AK5: variants seen among roughly 807,000 people sequenced by gnomAD.
AK5 encodes the protein adenylate kinase 5, also known as adenylate kinase isoenzyme 5.
AK5 carries 27 observed loss-of-function variants against 69.5 expected under a neutral mutation model. The observed-to-expected ratio is 0.39, with a 90% confidence interval of 0.29 to 0.54. AK5 has a LOEUF of 0.54. Ranked by LOEUF, AK5 falls within the 20% of genes least tolerant of loss-of-function variation. The pLI is 0.71. For missense variants in AK5, 531 were observed against 700.4 expected (o/e 0.76, Z 2.73); for synonymous variants, 260 against 244.4 (o/e 1.06, Z -0.60).
chr1:77,537,122 C>G (rs1659014164), intron 13 of AK5, among the ~76,000 whole-genome samples: 1 of 152,036 alleles, frequency 6.6e-6, no homozygotes, highest in Non-Finnish European at 1.5e-5. Context: ...ACAATGAGAT[C>G]AAAGCAAGCA....
intron 12 of AK5, among the ~76,000 whole-genome samples, chr1:77,527,081 T>C (rs1278877581): frequency 1.3e-5 from 2 of 152,084 alleles, no homozygotes; most frequent in Non-Finnish European, 2.9e-5. Context: ...AAAATCTAGG[T>C]TTTCACCTGT....
intron 8 of AK5, among the ~76,000 whole-genome samples, chr1:77,477,134 C>T (rs1247406018): frequency 6.6e-6 from 1 of 151,964 alleles, no homozygotes; most frequent in South Asian, 2.1e-4. Context: ...CCCAAGCCGT[C>T]CTCCAGCCTT....
At chr1:77,447,642 T>C (rs1652836747) in intron 8 of AK5, among the ~76,000 whole-genome samples, 1 of 152,212 alleles carries the variant, frequency 6.6e-6, no homozygotes, top group African/African-American at 2.4e-5. Context: ...TGACCTTGAA[T>C]GCCAAGTAAT....
intron 6 of AK5, among the ~76,000 whole-genome samples, chr1:77,386,012 T>C (rs1323278656): frequency 6.6e-6 from 1 of 152,240 alleles, no homozygotes; most frequent in African/African-American, 2.4e-5. Context: ...CCTTTTGATA[T>C]CATATTATCT....
chr1:77,313,536 A>T (rs1465288824), intron 5 of AK5, among the ~76,000 whole-genome samples: 1 of 152,058 alleles, frequency 6.6e-6, no homozygotes, highest in Non-Finnish European at 1.5e-5. Flanking sequence ...GTCTGTTGTT[A>T]GGCAAGGTAG....
chr1:77,367,694 T>TTATGTTATA lies in AK5; in HGVS notation c.891+27129_891+27130insGTTATATAT, dbSNP rs1557533455. ...ATATAATATATATGTTATATATACG[T>TTATGTTATA]TATATGTTATATATATGTTATATAT... On this transcript the variant is annotated intron_variant, in intron 6 of 13. Transcript: ENST00000354567. Among the ~76,000 whole-genome samples, 61 of 59,786 alleles carry TTATGTTATA rather than the reference T, an allele frequency of 1.0e-3. 19 individuals carry two copies. Among genetic ancestry groups the TTATGTTATA allele is most frequent in the East Asian group, 3.8e-3 (3 of 790 alleles). 39.2% of individuals were successfully genotyped at this position (59,786 alleles called of 152,430 possible).
intron 5 of AK5, among the ~76,000 whole-genome samples, chr1:77,320,192 T>A (rs1330356056): frequency 6.6e-6 from 1 of 152,084 alleles, no homozygotes; most frequent in East Asian, 1.9e-4. Flanking sequence ...GAACTCAGTA[T>A]CATGAGAACA....
intron 8 of AK5, among the ~76,000 whole-genome samples, chr1:77,438,786 A>C (rs537496636): frequency 1.8e-4 from 27 of 152,314 alleles, no homozygotes; most frequent in Admixed American, 1.4e-3. Context: ...TCACAAACAA[A>C]GTACACGTTC....
rs572321588 is a variant in AK5 at position 77,382,580 on chromosome 1, C to G, written c.892-28401C>G. 7.9e-5 allele frequency among the ~76,000 whole-genome samples: 12 copies of G among 152,270 alleles called. 1 individual carries two copies. In the East Asian group the frequency reaches 1.2e-3, roughly 15 times the overall value. On this transcript the variant is annotated intron_variant, in intron 6 of 13. Transcript: ENST00000354567. The stretch of plus-strand genomic sequence containing the variant: ...GCCCAAGCTGATCTCAAACTCTTGG[C>G]CTCAAGTGAGTCACCCGTCTCAGCT...
chr1:77,390,037 C>A (rs1229717637), intron 6 of AK5, among the ~76,000 whole-genome samples: 1 of 152,050 alleles, frequency 6.6e-6, no homozygotes, highest in Non-Finnish European at 1.5e-5. Context: ...TTGGTCTGTC[C>A]AAATTCAGGA....
intron 1 of AK5, among the ~76,000 whole-genome samples, chr1:77,286,059 A>G (rs1658330256): frequency 6.6e-6 from 1 of 152,194 alleles, no homozygotes; most frequent in Admixed American, 6.5e-5. Context: ...AACACAGAAG[A>G]AGGGGTTCAC....
chr1:77,496,650 C>A (rs1656331007), intron 10 of AK5, among the ~76,000 whole-genome samples: 1 of 152,192 alleles, frequency 6.6e-6, no homozygotes, highest in Non-Finnish European at 1.5e-5. Context: ...CTGGTTTAGA[C>A]AGCCACATGG....
At chr1:77,543,787 G>C (rs950877647) in intron 13 of AK5, among the ~76,000 whole-genome samples, 1 of 152,134 alleles carries the variant, frequency 6.6e-6, no homozygotes, top group Non-Finnish European at 1.5e-5. Context: ...AGCTGTATTG[G>C]GATGCTGGCC....
intron 5 of AK5, among the ~76,000 whole-genome samples, chr1:77,323,357 A>T (rs1660634276): frequency 1.3e-5 from 2 of 152,182 alleles, no homozygotes; most frequent in Non-Finnish European, 2.9e-5. Flanking sequence ...TTTAAATAGC[A>T]TGTTGTCTGC....
chr1:77,553,471 A>C (rs1054601777), intron 13 of AK5, among the ~76,000 whole-genome samples: 88 of 152,352 alleles, frequency 5.8e-4, no homozygotes, highest in Non-Finnish European at 1.1e-3. Context: ...TAGTGAGAAA[A>C]TTCACATGCA....
At chr1:77,407,532 G>A (rs1007111710) in intron 6 of AK5, among the ~76,000 whole-genome samples, 5 of 152,166 alleles carry the variant, frequency 3.3e-5, no homozygotes, top group African/African-American at 1.2e-4. Flanking sequence ...GGCATGAGGA[G>A]TCTTTGGGGG....
intron 13 of AK5, among the ~76,000 whole-genome samples, chr1:77,544,646 C>T (rs1050726784): frequency 2.0e-5 from 3 of 151,986 alleles, no homozygotes; most frequent in Admixed American, 1.3e-4. Flanking sequence ...CTGTCTTTAC[C>T]TCCGTATCTT....
At chr1:77,464,996 T>A (rs1355390893) in intron 8 of AK5, among the ~76,000 whole-genome samples, 1 of 152,248 alleles carries the variant, frequency 6.6e-6, no homozygotes, top group Non-Finnish European at 1.5e-5. Flanking sequence ...ACCAGGGTGC[T>A]AACTTTGTGG....
intron 5 of AK5, among the ~76,000 whole-genome samples, chr1:77,329,283 T>C (rs542828922): frequency 7.7e-4 from 117 of 152,200 alleles, no homozygotes; most frequent in Non-Finnish European, 1.4e-3. Flanking sequence ...TATTTTACTT[T>C]TAAATACCCT....
Sources: gnomAD v4.1 joint callset for allele counts (sites outside exome capture counted in the v4.1 genomes callset) on GRCh38, gnomAD v4.1.1 for gene constraint, MANE v1.5 for transcripts, NCBI Gene and HGNC (gene_info 2026-07-23, HGNC 2026-07-21) for gene names.